IQCJ: variants seen among roughly 807,000 people sequenced by gnomAD.
The protein encoded by IQCJ is IQ motif containing J, also known as IQ domain-containing protein J.
Under a neutral mutation model 11.0 loss-of-function variants are expected in IQCJ, and 9 were observed. The observed-to-expected ratio is 0.82, with a 90% CI of 0.49 to 1.43. IQCJ has a LOEUF of 1.43. Among genes scored for constraint, IQCJ ranks in the 40% most tolerant of loss-of-function variants. The pLI, the probability that IQCJ is intolerant of heterozygous loss-of-function variation, is 0.00. For missense variants in IQCJ, 146 were observed against 133.2 expected (o/e 1.10, Z -0.47); for synonymous variants, 55 against 51.3 (o/e 1.07, Z -0.31).
chr3:159,237,898 GA>G (rs2108171772), intron 1 of IQCJ, among the ~76,000 whole-genome samples: 1 of 152,280 alleles, frequency 6.6e-6, no homozygotes, highest in South Asian at 2.1e-4. Flanking sequence ...GAATTGCAAA[GA>G]CAGGGCAAAC....
intron 1 of IQCJ, among the ~76,000 whole-genome samples, chr3:159,094,297 C>T (rs1210732980): frequency 6.6e-6 from 1 of 151,424 alleles, no homozygotes; most frequent in East Asian, 1.9e-4. Flanking sequence ...TTGTAGAAAC[C>T]AGATATTAGA....
At chr3:159,218,961 A>C (rs1725388649) in intron 1 of IQCJ, among the ~76,000 whole-genome samples, 1 of 152,060 alleles carries the variant, frequency 6.6e-6, no homozygotes, top group Non-Finnish European at 1.5e-5. Context: ...TCCATCTTCA[A>C]AGCCAGCAGC....
chr3:159,144,614 G>A (rs1169638008), intron 1 of IQCJ, among the ~76,000 whole-genome samples: 3 of 151,726 alleles, frequency 2.0e-5, no homozygotes, highest in Non-Finnish European at 4.4e-5. Context: ...CTGTTTTTCA[G>A]TCTTACTGCC....
chr3:159,080,003 C>T lies in IQCJ; in HGVS notation c.9+10562C>T, dbSNP rs912750968. Reference sequence around the variant, plus strand: ...ATTAGTACAAGCATATGATTAATGACTATTTAGGTAAACATGACTTCCATT... The same window carrying T: ...ATTAGTACAAGCATATGATTAATGATTATTTAGGTAAACATGACTTCCATT... On this transcript the variant is annotated intron_variant, in intron 1 of 3. Transcript: ENST00000397832. 1.1e-3 allele frequency among the ~76,000 whole-genome samples: 167 copies of T among 152,118 alleles called. 1 individual carries two copies. The highest frequency in any genetic ancestry group is 6.6e-4 in the Non-Finnish European group (45 of 67,962).
intron 1 of IQCJ, among the ~76,000 whole-genome samples, chr3:159,216,915 T>A (rs1391453691): frequency 1.3e-5 from 2 of 152,190 alleles, no homozygotes; most frequent in Non-Finnish European, 2.9e-5. Flanking sequence ...ATCAATTAAA[T>A]AATGGAAATA....
chr3:159,076,140 G>C (rs1257514535), intron 1 of IQCJ, among the ~76,000 whole-genome samples: 1 of 151,956 alleles, frequency 6.6e-6, no homozygotes, highest in East Asian at 1.9e-4. Flanking sequence ...AAAATATGTT[G>C]CTACCATATT....
Position 159,116,631 on chromosome 3 carries a change from T to C in IQCJ, c.9+47190T>C, listed in dbSNP as rs1473284105. On this transcript the variant is annotated intron_variant, in intron 1 of 3. Transcript: ENST00000397832. ...GCTCATATGTATATATATATATATATATATATATATATATATATATATATA... is the reference window on the plus strand; with the variant it reads ...GCTCATATGTATATATATATATATACATATATATATATATATATATATATA... Among the ~76,000 whole-genome samples the C allele has an allele frequency of 9.1e-5, 4 of 43,806 alleles. 1 individual carries two copies. The highest frequency in any genetic ancestry group is 3.0e-4 in the African/African-American group (4 of 13,408). The allele number at this position is 43,806 out of a possible 152,430, so 28.7% of individuals were successfully genotyped here.
chr3:159,128,998 C>T (rs1417182102), intron 1 of IQCJ, among the ~76,000 whole-genome samples: 5 of 151,942 alleles, frequency 3.3e-5, no homozygotes, highest in African/African-American at 1.2e-4. Flanking sequence ...AAATCTTATC[C>T]ACTGCTAAAA....
chr3:159,144,569 C>T (rs1720814459), intron 1 of IQCJ, among the ~76,000 whole-genome samples: 1 of 152,146 alleles, frequency 6.6e-6, no homozygotes, highest in Non-Finnish European at 1.5e-5. Context: ...TGAGCCACAA[C>T]AAATTCCCAG....
intron 1 of IQCJ, among the ~76,000 whole-genome samples, chr3:159,230,606 AG>A (rs1726191009): frequency 6.6e-6 from 1 of 152,198 alleles, no homozygotes; most frequent in African/African-American, 2.4e-5. Flanking sequence ...CACAGAAAGA[AG>A]GCATTAGACA....
intron 1 of IQCJ, among the ~76,000 whole-genome samples, chr3:159,188,007 A>G (rs560387334): frequency 1.1e-3 from 165 of 152,344 alleles, no homozygotes; most frequent in Non-Finnish European, 2.0e-3. Flanking sequence ...GCTACCGACC[A>G]GAGAGGTGAT....
chr3:159,236,701 C>A (rs1339495898), intron 1 of IQCJ, among the ~76,000 whole-genome samples: 4 of 152,304 alleles, frequency 2.6e-5, no homozygotes, highest in Middle Eastern at 3.4e-3. Flanking sequence ...GCCTAGCTAG[C>A]TTCATAAATT....
chr3:159,223,293 A>G (rs1458782029), intron 1 of IQCJ, among the ~76,000 whole-genome samples: 1 of 152,186 alleles, frequency 6.6e-6, no homozygotes, highest in Non-Finnish European at 1.5e-5. Context: ...CAAAAAGGAA[A>G]GAATATAATA....
intron 1 of IQCJ, among the ~76,000 whole-genome samples, chr3:159,146,841 A>G (rs190530792): frequency 3.8e-4 from 58 of 152,268 alleles, no homozygotes; most frequent in Non-Finnish European, 7.3e-4. Flanking sequence ...ATTCCATCAC[A>G]TATTTCAGCC....
intron 1 of IQCJ, among the ~76,000 whole-genome samples, chr3:159,183,963 T>C (rs1172713940): frequency 6.6e-6 from 1 of 151,480 alleles, no homozygotes; most frequent in South Asian, 2.1e-4. Context: ...GTTTCCTGCC[T>C]TTTCTCTTGC....
At chr3:159,245,236 T>G (rs558625826) in intron 1 of IQCJ, among the ~76,000 whole-genome samples, 88 of 152,166 alleles carry the variant, frequency 5.8e-4, no homozygotes, top group Admixed American at 1.8e-3. Flanking sequence ...TAGAGTCTCT[T>G]ACCCAGCAAC....
At chr3:159,168,033 T>A (rs1254354146) in intron 1 of IQCJ, among the ~76,000 whole-genome samples, 1 of 152,122 alleles carries the variant, frequency 6.6e-6, no homozygotes, top group Non-Finnish European at 1.5e-5. Flanking sequence ...TGAGCTGGCC[T>A]TTTTCCCCCA....
At chr3:159,241,348 G>T (rs1251089629) in intron 1 of IQCJ, among the ~76,000 whole-genome samples, 2 of 152,074 alleles carry the variant, frequency 1.3e-5, no homozygotes, top group Non-Finnish European at 2.9e-5. Context: ...GGTGGAGGTT[G>T]CAGTGAGCCG....
At chr3:159,080,306 T>A (rs959027628) in intron 1 of IQCJ, among the ~76,000 whole-genome samples, 3 of 152,108 alleles carry the variant, frequency 2.0e-5, no homozygotes, top group African/African-American at 7.2e-5. Flanking sequence ...TCCACCCACA[T>A]ACCCTTTTTA....
Sources: allele counts gnomAD v4.1 joint callset (sites outside exome capture counted in the v4.1 genomes callset), GRCh38; gene constraint gnomAD v4.1.1; transcripts MANE v1.5; gene names NCBI Gene and HGNC (gene_info 2026-07-23, HGNC 2026-07-21).